The following NFKB1 variants were observed in gnomAD, a reference collection of about 807,000 sequenced individuals.
NFKB1 encodes nuclear factor kappa B subunit 1.
NFKB1 carries 9 observed loss-of-function variants against 105.1 expected under a neutral mutation model. The observed-to-expected ratio is 0.09, with a 90% CI of 0.05 to 0.15. The LOEUF (loss-of-function observed/expected upper bound fraction) is 0.15, where lower values mean the gene tolerates loss of function less well. Among genes scored for constraint, NFKB1 ranks in the 10% least tolerant of loss-of-function variants. The pLI is 1.00. For missense variants in NFKB1, 830 were observed against 1,203.7 expected, an observed-to-expected ratio of 0.69 and a Z score of 4.59; for synonymous variants, 440 against 442.2, an observed-to-expected ratio of 1.00 and a Z score of 0.06.
At chr4:102,532,344 T>C (rs1002086610) in intron 3 of NFKB1, among the ~76,000 whole-genome samples, 5 of 152,174 alleles carry the variant, frequency 3.3e-5, no homozygotes, top group African/African-American at 1.2e-4. Flanking sequence ...AAATAAATTC[T>C]CTGGCCGGGT....
intron 5 of NFKB1, among the ~76,000 whole-genome samples, chr4:102,539,989 A>G (rs903303746): frequency 1.3e-5 from 2 of 152,138 alleles, no homozygotes; most frequent in African/African-American, 4.8e-5. Flanking sequence ...CCCAGCACTT[A>G]CCTTTTTAAC....
At chr4:102,520,534 A>C (rs1219398812) in intron 1 of NFKB1, among the ~76,000 whole-genome samples, 1 of 152,216 alleles carries the variant, frequency 6.6e-6, no homozygotes, top group Admixed American at 6.5e-5. Context: ...GCTATTCTAC[A>C]TGTTAATTGA....
intron 3 of NFKB1, among the ~76,000 whole-genome samples, chr4:102,532,350 C>T (rs1391894546): frequency 1.3e-5 from 2 of 152,082 alleles, no homozygotes; most frequent in African/African-American, 2.4e-5. Context: ...ATTCTCTGGC[C>T]GGGTGAGGTG....
intron 1 of NFKB1, among the ~76,000 whole-genome samples, chr4:102,516,920 A>C (rs1223655239): frequency 6.6e-6 from 1 of 152,216 alleles, no homozygotes; most frequent in African/African-American, 2.4e-5. Context: ...TCTTTCTGAA[A>C]TCACAACTGA....
chr4:102,502,734 G>T (rs1180741199), intron 1 of NFKB1, among the ~76,000 whole-genome samples: 1 of 152,140 alleles, frequency 6.6e-6, no homozygotes, highest in African/African-American at 2.4e-5. Flanking sequence ...TATCAAGATT[G>T]ACATGTTCAT....
chr4:102,602,133 T>G (rs1727210481), intron 16 of NFKB1, among the ~76,000 whole-genome samples: 1 of 152,212 alleles, frequency 6.6e-6, no homozygotes, highest in African/African-American at 2.4e-5. Flanking sequence ...TTTCCTCACT[T>G]TAAAGGAAAA....
intron 6 of NFKB1, among the ~76,000 whole-genome samples, chr4:102,568,480 G>A (rs2149170229): frequency 6.6e-6 from 1 of 152,248 alleles, no homozygotes; most frequent in South Asian, 2.1e-4. Flanking sequence ...TTGAAATGCA[G>A]GCTAATTATC....
At chr4:102,554,929 TC>T (rs1722873812) in intron 5 of NFKB1, among the ~76,000 whole-genome samples, 1 of 152,168 alleles carries the variant, frequency 6.6e-6, no homozygotes, top group South Asian at 2.1e-4. Flanking sequence ...TGTTTTAGCA[TC>T]TCTGCAGCCA....
At chr4:102,505,974 G>A (rs1739394635) in intron 1 of NFKB1, among the ~76,000 whole-genome samples, 1 of 152,032 alleles carries the variant, frequency 6.6e-6, no homozygotes, top group Non-Finnish European at 1.5e-5. Flanking sequence ...TAGTCCTTGT[G>A]TCTTAGATAT....
chr4:102,511,472 T>A (rs1186436106), intron 1 of NFKB1, among the ~76,000 whole-genome samples: 1 of 152,170 alleles, frequency 6.6e-6, no homozygotes, highest in Non-Finnish European at 1.5e-5. Context: ...CCCAGGAATT[T>A]GAGACCAGCA....
At position 102,525,528 on chromosome 4, in the gene NFKB1, G is replaced by A. The variant is rs1740854197; in HGVS notation, c.10G>A (p.Asp4Asn). ...AATACACAGCTTCAGAATGGCAGAA[G>A]ATGATCCATATTTGGGAAGGCCTGA... MAE[D>N]DPYLGRPEQM... Residue 4 changes from aspartate to asparagine, a missense_variant, in exon 2 of 24, where the codon GAT (aspartate) becomes AAT (asparagine). This residue lies in a region of NFKB1 where 46 missense variants were observed against 48.3 expected (regional missense o/e 0.95). Transcript: ENST00000226574. The A allele has an allele frequency of 3.7e-6, 6 of 1,613,452 alleles. No individual in the cohort carries two copies. In the Admixed American group the frequency reaches 6.7e-5, roughly 18 times the overall value.
chr4:102,528,875 G>A (rs1048746688), intron 2 of NFKB1, among the ~76,000 whole-genome samples: 2 of 152,080 alleles, frequency 1.3e-5, no homozygotes, highest in African/African-American at 4.8e-5. Flanking sequence ...TCTGAGTCAG[G>A]AGCTCAGAAA....
chr4:102,506,523 T>C (rs1027282273), intron 1 of NFKB1, among the ~76,000 whole-genome samples: 1 of 152,218 alleles, frequency 6.6e-6, no homozygotes, highest in African/African-American at 2.4e-5. Flanking sequence ...CTATAGAAGC[T>C]GGGGCCTCAT....
chr4:102,608,960 A>G (rs1728099367), intron 19 of NFKB1, among the ~76,000 whole-genome samples: 1 of 151,836 alleles, frequency 6.6e-6, no homozygotes, highest in Admixed American at 6.6e-5. Flanking sequence ...GAGACCAACC[A>G]GGTTAACATT....
At chr4:102,570,322 G>A (rs1724227248) in intron 6 of NFKB1, among the ~76,000 whole-genome samples, 1 of 152,094 alleles carries the variant, frequency 6.6e-6, no homozygotes, top group African/African-American at 2.4e-5. Context: ...TTGTTTTTCT[G>A]TTCCTGCATT....
intron 5 of NFKB1, among the ~76,000 whole-genome samples, chr4:102,559,906 C>G (rs975147838): frequency 7.3e-5 from 11 of 150,160 alleles, no homozygotes; most frequent in Non-Finnish European, 1.5e-4. Context: ...CCACTGTACT[C>G]CAGCCTGAAT....
chr4:102,530,010 A>G, intron 3 of NFKB1, 96 bp downstream of exon 3: 1 of 804,720 alleles, frequency 1.2e-6, no homozygotes, highest in Non-Finnish European at 2.0e-6. Context: ...TCAGTTGTGT[A>G]CCTAGAAAGG....
intron 1 of NFKB1, among the ~76,000 whole-genome samples, chr4:102,520,740 A>G (rs1207137683): frequency 6.6e-6 from 1 of 152,176 alleles, no homozygotes; most frequent in Non-Finnish European, 1.5e-5. Flanking sequence ...CTAAGCCAAT[A>G]TCAGAAAGTT....
chr4:102,573,780 T>A (rs1442370317), intron 6 of NFKB1, among the ~76,000 whole-genome samples: 2 of 152,116 alleles, frequency 1.3e-5, no homozygotes, highest in African/African-American at 4.8e-5. Flanking sequence ...GTCTGCACGT[T>A]CACCAATATT....
Sources: gnomAD v4.1 joint callset for allele counts (sites outside exome capture counted in the v4.1 genomes callset) on GRCh38, gnomAD v4.1.1 for gene constraint, gnomAD v4.1.1 regional missense constraint, MANE v1.5 for transcripts, NCBI Gene and HGNC (gene_info 2026-07-23, HGNC 2026-07-21) for gene names.